Variants in ACSL1 observed in about 807,000 individuals in gnomAD.
ACSL1 encodes long-chain-fatty-acid--CoA ligase 1.
ACSL1 carries 41 observed loss-of-function variants against 98.4 expected under a neutral mutation model. The ratio of observed to expected loss-of-function variants is 0.42; its 90% confidence interval spans 0.32 to 0.54. The LOEUF is 0.54. Among genes scored for constraint, ACSL1 ranks in the 20% least tolerant of loss-of-function variants. The probability of loss-of-function intolerance (pLI) is 0.13; values close to 1 mark genes in which losing one functional copy is unlikely to be tolerated. For missense variants in ACSL1, 734 were observed against 883.1 expected (o/e 0.83, Z 2.14); for synonymous variants, 316 against 322.7 (o/e 0.98, Z 0.22).
chr4:184,789,684 T>C (rs7659090), intron 2 of ACSL1, among the ~76,000 whole-genome samples: 36,024 of 152,160 alleles, frequency 0.24, 5,567 homozygotes, highest in Non-Finnish European at 0.34. Context: ...CAAGAACTCC[T>C]AATGATGGAT....
At chr4:184,784,537 T>A (rs910918311) in intron 3 of ACSL1, among the ~76,000 whole-genome samples, 3 of 152,128 alleles carry the variant, frequency 2.0e-5, no homozygotes, top group Non-Finnish European at 4.4e-5. Flanking sequence ...AAAGAAAAGA[T>A]GCAAAATGAG....
At chr4:184,811,347 T>A (rs547071642) in intron 1 of ACSL1, among the ~76,000 whole-genome samples, 12 of 151,870 alleles carry the variant, frequency 7.9e-5, no homozygotes, top group African/African-American at 2.9e-4. Flanking sequence ...CTCCCGACTT[T>A]GTGATCTGCC....
intron 12 of ACSL1, among the ~76,000 whole-genome samples, chr4:184,767,009 C>T (rs1210779130): frequency 2.6e-5 from 4 of 152,072 alleles, no homozygotes; most frequent in South Asian, 2.1e-4. Context: ...AGGCCAGGTG[C>T]GGTGGCCCAC....
In ACSL1 at chr4:184,757,861, C is replaced by T; in HGVS notation, c.1842G>A (p.Lys614=). 6.2e-7 allele frequency: 1 copy of T among 1,614,208 alleles called. No homozygotes were observed. The highest frequency in any genetic ancestry group is 8.5e-7 in the Non-Finnish European group (1 of 1,180,036). The change falls in exon 19 of 21, where the codon AAG becomes AAA. Residue 614 remains lysine, a synonymous_variant. Transcript: ENST00000281455. The surrounding 1 kb of genome is among the most constrained non-coding windows in gnomAD (Gnocchi z 4.5). ...CCTCAAACGACCCTTCAAATCCTCTCTTTTGGGCCCAGGAACATAATGTCT... is the reference window on the plus strand; with the variant it reads ...CCTCAAACGACCCTTCAAATCCTCTTTTTTGGGCCCAGGAACATAATGTCT... ...DVETLCSWAQ[K]RGFEGSFEEL... is the part of the protein sequence containing the mutation.
intron 15 of ACSL1, among the ~76,000 whole-genome samples, chr4:184,764,252 T>C (rs894978394): frequency 1.3e-5 from 2 of 152,164 alleles, no homozygotes; most frequent in Non-Finnish European, 2.9e-5. Context: ...CAATCTATAA[T>C]TTCCTCTGAG....
At chr4:184,789,469 G>A (rs1288368643) in intron 2 of ACSL1, among the ~76,000 whole-genome samples, 1 of 152,194 alleles carries the variant, frequency 6.6e-6, no homozygotes, top group Admixed American at 6.5e-5. Flanking sequence ...TCCTCACCAA[G>A]CGCAATATCA....
chr4:184,815,490 G>A (rs954087076), intron 1 of ACSL1, among the ~76,000 whole-genome samples: 6 of 119,586 alleles, frequency 5.0e-5, no homozygotes, highest in African/African-American at 1.9e-4. Context: ...ACCCAGGCCT[G>A]GGGGGGGAAA....
Position 184,755,751 on chromosome 4 carries a change from T to A in ACSL1, c.*1374A>T, listed in dbSNP as rs904652808. On this transcript the variant is annotated 3_prime_UTR_variant, in exon 21 of 21. Coordinates refer to ENST00000281455, the MANE Select transcript of ACSL1 (RefSeq NM_001995.5). Reference sequence around the variant, plus strand: ...CTTTTTGTGCAATTAAGAATACATATATGAAGTTAGGCTACCAAGTAGTGT... The same window carrying A: ...CTTTTTGTGCAATTAAGAATACATAAATGAAGTTAGGCTACCAAGTAGTGT... The A allele has an allele frequency of 6.5e-6, 1 of 152,694 alleles. No individual in the cohort carries two copies. Among genetic ancestry groups the A allele is most frequent in the South Asian group, 2.1e-4 (1 of 4,836 alleles). The allele number at this position is 152,694 out of a possible 1,614,324, so 9.5% of individuals were successfully genotyped here. A position where few individuals can be genotyped will look rare whatever the true frequency, so the allele number is the denominator to read the frequency against.
rs1462314823 is a variant in ACSL1 at position 184,825,564 on chromosome 4, C to G, written c.-33+352G>C. Reference sequence around the variant, plus strand: ...CTGGGCCACCTCCTCCCAGCCGAAGCGCGGCCTCCGGCTGCTTCGCCGGGC... The same window carrying G: ...CTGGGCCACCTCCTCCCAGCCGAAGGGCGGCCTCCGGCTGCTTCGCCGGGC... On this transcript the variant is annotated intron_variant, in intron 1 of 20. Transcript: ENST00000281455. The surrounding 1 kb of genome is among the most constrained non-coding windows in gnomAD (Gnocchi z 4.7). Among the ~76,000 whole-genome samples, 1 of 151,486 alleles carries G rather than the reference C, an allele frequency of 6.6e-6. No homozygotes were observed. The highest frequency in any genetic ancestry group is 1.5e-5 in the Non-Finnish European group (1 of 67,826).
At chr4:184,761,284 G>C (rs762561557) in intron 17 of ACSL1, among the ~76,000 whole-genome samples, 32 of 152,288 alleles carry the variant, frequency 2.1e-4, no homozygotes, top group Admixed American at 8.5e-4. Context: ...ACCGGAAGAG[G>C]GGGACTTAAT....
At position 184,776,682 on chromosome 4, in the gene ACSL1, A is replaced by G. The variant is rs1451630710; in HGVS notation, c.578-20T>C. 6.2e-7 allele frequency: 1 copy of G among 1,603,398 alleles called. No individual in the cohort carries two copies. Among genetic ancestry groups the G allele is most frequent in the Non-Finnish European group, 8.5e-7 (1 of 1,177,236 alleles). ...GTTCAGCTGTAAATGAAGAGATACA[A>G]TGAAGAATAAGCTCTGGGATGTTAA... On this transcript the variant is annotated intron_variant, in intron 6 of 20. Transcript: ENST00000281455.
At chr4:184,822,131 C>G (rs1383189066) in intron 1 of ACSL1, among the ~76,000 whole-genome samples, 4 of 152,088 alleles carry the variant, frequency 2.6e-5, no homozygotes, top group Non-Finnish European at 5.9e-5. Context: ...TATATGGAAC[C>G]ACCAGTTTTG....
chr4:184,823,892 C>A (rs1346004136), intron 1 of ACSL1, among the ~76,000 whole-genome samples: 1 of 152,168 alleles, frequency 6.6e-6, no homozygotes, highest in Admixed American at 6.5e-5. Context: ...TTAGCCTAAA[C>A]TTCACCCAAA....
intron 7 of ACSL1, among the ~76,000 whole-genome samples, chr4:184,774,519 G>A (rs1468515022): frequency 6.6e-6 from 1 of 152,176 alleles, no homozygotes; most frequent in Non-Finnish European, 1.5e-5. Flanking sequence ...AAGAATGACA[G>A]AAGCATTGCG....
At chr4:184,788,538 A>C (rs1254951207) in intron 3 of ACSL1, 79 bp downstream of exon 3, 3 of 1,140,562 alleles carry the variant, frequency 2.6e-6, no homozygotes, top group African/African-American at 1.5e-5. Context: ...GATAGGAGCA[A>C]ATGTGCATTT....
intron 11 of ACSL1, among the ~76,000 whole-genome samples, chr4:184,769,070 A>AATATATAT (rs34360556): frequency 0.029 from 4,250 of 147,576 alleles, 94 homozygotes; most frequent in Middle Eastern, 0.056. Flanking sequence ...CTCTGTCTCA[A>AATATATAT]ATATATATAT....
chr4:184,790,367 CTTT>C (rs1183143573), intron 2 of ACSL1, among the ~76,000 whole-genome samples: 1 of 152,006 alleles, frequency 6.6e-6, no homozygotes, highest in Non-Finnish European at 1.5e-5. Flanking sequence ...TCCTCCCAGT[CTTT>C]TTTTTATGCT....
chr4:184,822,276 C>A (rs1773119655), intron 1 of ACSL1, among the ~76,000 whole-genome samples: 1 of 152,088 alleles, frequency 6.6e-6, no homozygotes, highest in Non-Finnish European at 1.5e-5. Context: ...CTAAGGCAGG[C>A]AGCACAGGGG....
In ACSL1 at chr4:184,819,604, C is replaced by T. The variant is rs546668178; in HGVS notation, c.-33+6312G>A. Among the ~76,000 whole-genome samples the T allele has an allele frequency of 3.4e-5, 5 of 147,958 alleles. No individual in the cohort carries two copies. In the East Asian group the frequency reaches 9.6e-4, roughly 29 times the overall value. ...GCACCCAGGTACAGTGTCTTGGGTA[C>T]ACAGACCCATTAACCCCATGCCGCC... is the stretch of plus-strand genomic sequence containing the variant. On this transcript the variant is annotated intron_variant, in intron 1 of 20. Transcript: ENST00000281455.
Sources: allele counts gnomAD v4.1 joint callset (sites outside exome capture counted in the v4.1 genomes callset), GRCh38; gene constraint gnomAD v4.1.1; non-coding constraint Gnocchi (gnomAD v3.1); transcripts MANE v1.5; gene names NCBI Gene and HGNC (gene_info 2026-07-23, HGNC 2026-07-21).